Variants in ANKHD1 observed in about 807,000 individuals in gnomAD.
ANKHD1 encodes ankyrin repeat and KH domain-containing protein 1.
In ANKHD1, 31 loss-of-function variants were observed where a neutral mutation model predicts 230.5. The ratio of observed to expected loss-of-function variants is 0.13; its 90% CI spans 0.10 to 0.18. ANKHD1 has a LOEUF of 0.18. Among genes scored for constraint, ANKHD1 ranks in the 10% least tolerant of loss-of-function variants. The pLI is 1.00. For missense variants in ANKHD1, 2,256 were observed against 3,071.3 expected, an observed-to-expected ratio of 0.73 and a Z score of 6.27; for synonymous variants, 1,074 against 1,117.6, an observed-to-expected ratio of 0.96 and a Z score of 0.78.
chr5:140,523,641 A>G (rs1753466952), intron 24 of ANKHD1, among the ~76,000 whole-genome samples: 1 of 151,088 alleles, frequency 6.6e-6, no homozygotes, highest in South Asian at 2.1e-4. Context: ...GCTCATTGCA[A>G]CCTCTGTCTC....
intron 29 of ANKHD1, among the ~76,000 whole-genome samples, chr5:140,534,642 T>A (rs547502648): frequency 3.9e-5 from 6 of 152,290 alleles, no homozygotes; most frequent in Non-Finnish European, 7.4e-5. Flanking sequence ...AAATAAGACC[T>A]GCTTAAAAGA....
chr5:140,402,302 A>T (rs374590170), intron 1 of ANKHD1, 29 bp downstream of exon 1: 15 of 1,446,258 alleles, frequency 1.0e-5, no homozygotes, highest in Non-Finnish European at 1.4e-5. Flanking sequence ...CGCCTCCCAC[A>T]CATTGTGAGG....
chr5:140,452,177 G>T (rs1774799891), intron 7 of ANKHD1, among the ~76,000 whole-genome samples: 2 of 152,230 alleles, frequency 1.3e-5, no homozygotes, highest in African/African-American at 2.4e-5. Flanking sequence ...TGGGGGAGGG[G>T]CACCCACCAT....
chr5:140,432,101 G>A (rs115968947), intron 1 of ANKHD1, among the ~76,000 whole-genome samples: 382 of 152,204 alleles, frequency 2.5e-3, no homozygotes, highest in African/African-American at 8.7e-3. Context: ...GATATAATTC[G>A]TATGCCATAA....
intron 10 of ANKHD1, among the ~76,000 whole-genome samples, chr5:140,469,588 G>C (rs966702007): frequency 6.6e-6 from 1 of 151,900 alleles, no homozygotes; most frequent in African/African-American, 2.4e-5. Flanking sequence ...GCGAACTATA[G>C]AAAACACAGG....
intron 31 of ANKHD1, 52 bp downstream of exon 31, chr5:140,537,641 T>C: frequency 6.7e-7 from 1 of 1,483,936 alleles, no homozygotes; most frequent in South Asian, 1.5e-5. Context: ...AAGCTGTAGG[T>C]TTGCCATTAA....
rs779102505 is a variant in ANKHD1, at chr5:140,529,811, A to G, written c.6850+15A>G. ...TAGTCCAGTTGGTAAGTTATTAACT[A>G]TTGCTGCAGTTGAGTTTGGAGCTCC... On this transcript the variant is annotated intron_variant, in intron 29 of 33. Transcript: ENST00000360839. The G allele has an allele frequency of 6.2e-7, 1 of 1,610,314 alleles. No homozygotes were observed. Among genetic ancestry groups the G allele is most frequent in the South Asian group, 1.1e-5 (1 of 90,438 alleles).
At chr5:140,474,598 C>CTTTTTTTTTT (rs771180811) in intron 10 of ANKHD1, among the ~76,000 whole-genome samples, 1 of 120,868 alleles carries the variant, frequency 8.3e-6, no homozygotes, top group Non-Finnish European at 1.8e-5. Flanking sequence ...TTTTTTTCTT[C>CTTTTTTTTTT]TTTTTTTTTT....
chr5:140,468,625 A>G (rs1561769694), intron 10 of ANKHD1, among the ~76,000 whole-genome samples: 1 of 152,226 alleles, frequency 6.6e-6, no homozygotes, highest in African/African-American at 2.4e-5. Context: ...TTTTTAAAAA[A>G]TTTAAACAAT....
intron 1 of ANKHD1, 39 bp downstream of exon 1, chr5:140,402,312 G>C (rs774630763): frequency 7.0e-7 from 1 of 1,429,460 alleles, no homozygotes; most frequent in South Asian, 1.4e-5. Context: ...ACATTGTGAG[G>C]CGTGAATTCT....
chr5:140,535,267 A>G lies in ANKHD1; in HGVS notation c.6851-95A>G, dbSNP rs948222207. ...CTATCTTTTATTTATTTGTTTGGTTATTTTTACAGCTTATCTCACTTTGGT... is the reference window on the plus strand; with the variant it reads ...CTATCTTTTATTTATTTGTTTGGTTGTTTTTACAGCTTATCTCACTTTGGT... On this transcript the variant is annotated intron_variant, in intron 29 of 33. Transcript: ENST00000360839. The G allele has an allele frequency of 6.7e-6, 10 of 1,481,828 alleles. No individual in the cohort carries two copies. The African/African-American group carries it at 7.1e-5, about 10-fold the overall frequency. 91.8% of individuals were successfully genotyped at this position (1,481,828 alleles called of 1,614,324 possible). A position where few individuals can be genotyped will look rare whatever the true frequency, so the allele number is the denominator to read the frequency against.
At chr5:140,457,120 C>T (rs1227908973) in intron 7 of ANKHD1, among the ~76,000 whole-genome samples, 5 of 152,138 alleles carry the variant, frequency 3.3e-5, no homozygotes, top group Admixed American at 2.6e-4. Context: ...TCATCACTGG[C>T]CATCAGAGAA....
chr5:140,526,526 G>A (rs1403656534), intron 26 of ANKHD1, 83 bp downstream of exon 26: 1 of 1,478,856 alleles, frequency 6.8e-7, no homozygotes, highest in African/African-American at 1.4e-5. Context: ...ATTAATCCAA[G>A]TACAAGTTGT....
In ANKHD1 at chr5:140,445,800, C is replaced by T. The variant is rs1167399920; in HGVS notation, c.972C>T (p.Leu324=). The T allele has an allele frequency of 2.5e-6, 4 of 1,613,048 alleles. No individual in the cohort carries two copies. In the South Asian group the frequency reaches 4.4e-5, roughly 18 times the overall value. The part of the protein sequence containing the change: ...AGGFVDIVKV[L]LNEGANIEDH... The stretch of plus-strand genomic sequence containing the variant: ...GATTTGTTGACATTGTTAAAGTGCT[C>T]CTTAATGAAGGTGCAAATATAGAAG... The change falls in exon 6 of 34, where the codon CTC becomes CTT. Residue 324 remains leucine, a synonymous_variant. Transcript: ENST00000360839.
In ANKHD1 at chr5:140,528,363, C is replaced by T; in HGVS notation, c.5417C>T (p.Ala1806Val). The change falls in exon 29 of 34, where the codon GCA (alanine) becomes GTA (valine). Residue 1806 changes from alanine (A) to valine (V), a missense_variant. This residue lies in a region of ANKHD1 where 778 missense variants were observed against 966.5 expected (regional missense o/e 0.80). Coordinates refer to ENST00000360839, the MANE Select transcript of ANKHD1 (RefSeq NM_017747.3). ...VGTTAASSKN[A>V]FPLGAPTLVT... ...ACCACAGCAGCTTCCAGTAAAAATG[C>T]ATTTCCTTTGGGTGCTCCAACTCTT... 6.2e-7 allele frequency: 1 copy of T among 1,614,096 alleles called. No homozygotes were observed.
At chr5:140,534,196 T>C (rs534365407) in intron 29 of ANKHD1, among the ~76,000 whole-genome samples, 9 of 152,058 alleles carry the variant, frequency 5.9e-5, no homozygotes, top group Admixed American at 5.9e-4. Flanking sequence ...ATCGAGACCA[T>C]CCTGGCCAAC....
intron 1 of ANKHD1, 74 bp downstream of exon 1, chr5:140,402,347 C>A: frequency 7.2e-7 from 1 of 1,379,774 alleles, no homozygotes. Context: ...TGGGCCGGGG[C>A]CATCCTCCCG....
At chr5:140,488,216 TC>T (rs200989610) in intron 14 of ANKHD1, among the ~76,000 whole-genome samples, 2 of 152,292 alleles carry the variant, frequency 1.3e-5, no homozygotes, top group African/African-American at 4.8e-5. Flanking sequence ...TTTATTGTTT[TC>T]TTTGGGGGGG....
chr5:140,509,713 C>G lies in ANKHD1; in HGVS notation c.3842C>G (p.Ala1281Gly). 6.2e-7 allele frequency: 1 copy of G among 1,613,340 alleles called. No homozygotes were observed. Among genetic ancestry groups the G allele is most frequent in the Non-Finnish European group, 8.5e-7 (1 of 1,179,830 alleles). Reference protein sequence around the residue: ...EVGRVLLDKGADVNAPPVPSS... With the variant: ...EVGRVLLDKGGDVNAPPVPSS... ...GGAAGAGTTCTTCTTGATAAAGGAG[C>G]AGATGTTAATGCTCCCCCTGTGCCT... Residue 1281 changes from alanine to glycine, a missense_variant, in exon 21 of 34, where the codon GCA becomes GGA. Ala to Gly is a moderately conservative substitution (Grantham distance 60). Around this residue, in one of 13 missense-constraint regions of ANKHD1, gnomAD observed 195 missense variants for 340.3 expected, o/e 0.57. Coordinates refer to ENST00000360839, the MANE Select transcript of ANKHD1 (RefSeq NM_017747.3).
Sources: gnomAD v4.1 joint callset for allele counts (sites outside exome capture counted in the v4.1 genomes callset) on GRCh38, gnomAD v4.1.1 for gene constraint, gnomAD v4.1.1 regional missense constraint, MANE v1.5 for transcripts, NCBI Gene and HGNC (gene_info 2026-07-23, HGNC 2026-07-21) for gene names.